Variants in RUSC2 observed in about 807,000 individuals in gnomAD.
RUSC2 encodes RUN and SH3 domain containing 2.
Under a neutral mutation model 122.2 loss-of-function variants are expected in RUSC2, and 34 were observed. The ratio of observed to expected loss-of-function variants is 0.28; its 90% CI spans 0.21 to 0.37. The LOEUF is 0.37. Among genes scored for constraint, RUSC2 ranks in the 10% least tolerant of loss-of-function variants. The probability of loss-of-function intolerance (pLI) is 1.00; values close to 1 mark genes in which losing one functional copy is unlikely to be tolerated. For synonymous variants in RUSC2, 784 were observed against 790.0 expected, an observed-to-expected ratio of 0.99 and a Z score of 0.13; for missense variants, 1,747 against 1,952.4, an observed-to-expected ratio of 0.89 and a Z score of 1.98.
intron 1 of RUSC2, among the ~76,000 whole-genome samples, chr9:35,522,208 G>A (rs1821229535): frequency 1.3e-5 from 2 of 152,180 alleles, no homozygotes; most frequent in South Asian, 4.1e-4. Flanking sequence ...GTTTGCTATT[G>A]GTGAAGTTAA....
chr9:35,555,004 T>G lies in RUSC2; in HGVS notation c.2015-56T>G. The G allele has an allele frequency of 6.3e-7, 1 of 1,592,792 alleles. No individual in the cohort carries two copies. The highest frequency in any genetic ancestry group is 8.5e-7 in the Non-Finnish European group (1 of 1,173,750). On this transcript the variant is annotated intron_variant, in intron 2 of 11. Coordinates refer to ENST00000361226, the MANE Select transcript of RUSC2 (RefSeq NM_014806.5). The surrounding 1 kb of genome is among the most constrained non-coding windows in gnomAD (Gnocchi z 4.6). The stretch of plus-strand genomic sequence containing the variant: ...CTCCCATCTCTGCTTCTGGGTTTTC[T>G]CTCATATGGGTTTCAGTGTCTGTCT...
chr9:35,522,098 A>G (rs1213656766), intron 1 of RUSC2, among the ~76,000 whole-genome samples: 1 of 152,234 alleles, frequency 6.6e-6, no homozygotes, highest in East Asian at 1.9e-4. Flanking sequence ...TACTTGTCCT[A>G]TAGGAAACTC....
At chr9:35,524,915 A>G (rs7040744) in intron 1 of RUSC2, among the ~76,000 whole-genome samples, 4,025 of 151,858 alleles carry the variant, frequency 0.027, 136 homozygotes, top group African/African-American at 0.081. Flanking sequence ...AGCTTGCAGT[A>G]AGCCAAGATC....
At chr9:35,528,198 C>A (rs1821356568) in intron 1 of RUSC2, among the ~76,000 whole-genome samples, 1 of 152,080 alleles carries the variant, frequency 6.6e-6, no homozygotes, top group African/African-American at 2.4e-5. Context: ...TCAGCCTGGG[C>A]AACATAGCAA....
In RUSC2 at chr9:35,547,025, G is replaced by C. The variant is rs200605023; in HGVS notation, c.504G>C (p.Val168=). The change falls in exon 2 of 12, where the codon GTG becomes GTC. Residue 168 remains valine, a synonymous_variant. Transcript: ENST00000361226. The surrounding 1 kb of genome is among the most constrained non-coding windows in gnomAD (Gnocchi z 4.6). The part of the protein sequence containing the change: ...PWGTTRSRAG[V]VEGQEQEPVM... ...GGACAACACGCAGTCGGGCTGGAGT[G>C]GTGGAAGGGCAGGAACAGGAGCCAG... 3.7e-6 allele frequency: 6 copies of C among 1,608,678 alleles called. No individual in the cohort carries two copies. In the East Asian group the frequency reaches 1.3e-4, roughly 36 times the overall value.
chr9:35,490,639 C>G (rs10814241), intron 1 of RUSC2, among the ~76,000 whole-genome samples: 14,172 of 152,154 alleles, frequency 0.093, 769 homozygotes, highest in East Asian at 0.24. Flanking sequence ...AGTTCCCGGC[C>G]GGGTCCTCTG....
intron 1 of RUSC2, among the ~76,000 whole-genome samples, chr9:35,544,268 A>G (rs1441415038): frequency 6.9e-6 from 1 of 144,200 alleles, no homozygotes; most frequent in Non-Finnish European, 1.5e-5. Flanking sequence ...AGAAATGCCT[A>G]TTCATACTGT....
In RUSC2 at chr9:35,509,384, A is replaced by C. The variant is rs1028478931; in HGVS notation, c.-93+19212A>C. On this transcript the variant is annotated intron_variant, in intron 1 of 11. Transcript: ENST00000361226. Reference sequence around the variant, plus strand: ...GAATCTTGTCAGCCCATGAGTTTACATGGAAGACTTGCTTCTACTGTGTTC... The same window carrying C: ...GAATCTTGTCAGCCCATGAGTTTACCTGGAAGACTTGCTTCTACTGTGTTC... Among the ~76,000 whole-genome samples, 8 of 152,332 alleles carry C rather than the reference A, an allele frequency of 5.3e-5. No homozygotes were observed. In the South Asian group the frequency reaches 1.5e-3, roughly 28 times the overall value.
chr9:35,546,623 T>C lies in RUSC2; in HGVS notation c.102T>C (p.Gly34=). The C allele has an allele frequency of 6.4e-7, 1 of 1,557,710 alleles. No homozygotes were observed. Among genetic ancestry groups the C allele is most frequent in the Non-Finnish European group, 8.7e-7 (1 of 1,153,308 alleles). Residue 34 remains glycine, a synonymous_variant, in exon 2 of 12, where the codon GGT becomes GGC. Transcript: ENST00000361226. The surrounding 1 kb of genome is among the most constrained non-coding windows in gnomAD (Gnocchi z 4.3). Reference sequence around the variant, plus strand: ...ACAGGCAGTGCTGTGGAGGGGCAGGTGGAGGTGGTGGGAGCACAAGACCTA... The same window carrying C: ...ACAGGCAGTGCTGTGGAGGGGCAGGCGGAGGTGGTGGGAGCACAAGACCTA... ...VPDRQCCGGA[G]GGGGSTRPNP...
In RUSC2 at chr9:35,548,125, G is replaced by A; in HGVS notation, c.1604G>A (p.Gly535Asp). The change falls in exon 2 of 12, where the codon GGC becomes GAC. Residue 535 changes from glycine to aspartate, a missense_variant. Physicochemically the swap from Gly to Asp is moderately conservative, Grantham distance 94. Transcript: ENST00000361226. The surrounding 1 kb of genome is among the most constrained non-coding windows in gnomAD (Gnocchi z 4.5). ...GGCCCTGCAGCCATGGCCGGGCCTG[G>A]CTCCCCACCCAGGAGGGTCACCTCC... is the stretch of plus-strand genomic sequence containing the variant. ...SEGPAAMAGP[G>D]SPPRRVTSFA... is the part of the protein sequence containing the mutation. The A allele has an allele frequency of 6.2e-7, 1 of 1,613,230 alleles. No homozygotes were observed. The highest frequency in any genetic ancestry group is 8.5e-7 in the Non-Finnish European group (1 of 1,180,004).
intron 1 of RUSC2, among the ~76,000 whole-genome samples, chr9:35,523,141 C>G (rs1821247519): frequency 1.3e-5 from 2 of 152,240 alleles, no homozygotes; most frequent in African/African-American, 4.8e-5. Context: ...TTATTAACAA[C>G]ATCTAAACTG....
chr9:35,527,550 T>C (rs775154576), intron 1 of RUSC2, among the ~76,000 whole-genome samples: 2 of 152,234 alleles, frequency 1.3e-5, no homozygotes, highest in Non-Finnish European at 2.9e-5. Flanking sequence ...TAATAATTCA[T>C]TGCCACTCGC....
At chr9:35,526,103 A>G (rs565510636) in intron 1 of RUSC2, among the ~76,000 whole-genome samples, 167 of 152,236 alleles carry the variant, frequency 1.1e-3, no homozygotes, top group African/African-American at 3.7e-3. Context: ...GTTCAGATCT[A>G]TAGTAGGGGG....
At chr9:35,559,913 T>C (rs1002821864) in intron 9 of RUSC2, 116 bp from the exon 10 acceptor site, 6 of 828,396 alleles carry the variant, frequency 7.2e-6, no homozygotes, top group Non-Finnish European at 1.2e-5. Flanking sequence ...GCAAGTTGAC[T>C]AGTGCACAGC....
rs762064030 is a variant in RUSC2, at chr9:35,557,882, A to AG, written c.2984-29dup. ...AGCTGAGTTGGTTAAGGACTTGCTC[A>AG]GGGACCTGTCACATCACATTCTTCC... On this transcript the variant is annotated intron_variant, in intron 5 of 11. Coordinates refer to ENST00000361226, the MANE Select transcript of RUSC2 (RefSeq NM_014806.5). This position sits in a 1 kb window ranked among gnomAD's most constrained non-coding sequence, Gnocchi z 4.6. 4.4e-6 allele frequency: 7 copies of AG among 1,603,688 alleles called. No homozygotes were observed. Among genetic ancestry groups the AG allele is most frequent in the Non-Finnish European group, 5.1e-6 (6 of 1,170,534 alleles).
chr9:35,525,239 TAGAA>T (rs765176915), intron 1 of RUSC2, among the ~76,000 whole-genome samples: 28 of 152,274 alleles, frequency 1.8e-4, no homozygotes, highest in South Asian at 4.1e-4. Flanking sequence ...TATCCTGAAA[TAGAA>T]GGAAGAAGTC....
chr9:35,499,878 G>T (rs144666956), intron 1 of RUSC2, among the ~76,000 whole-genome samples: 1 of 152,182 alleles, frequency 6.6e-6, no homozygotes, highest in Non-Finnish European at 1.5e-5. Context: ...CTGCAGGGGA[G>T]AAAGTTGGGA....
intron 1 of RUSC2, among the ~76,000 whole-genome samples, chr9:35,490,774 C>T (rs1160981715): frequency 1.3e-5 from 2 of 152,184 alleles, no homozygotes; most frequent in Admixed American, 1.3e-4. Context: ...AGTAACCGTC[C>T]CCTACTACTG....
chr9:35,499,297 AAAAC>A (rs1471783584), intron 1 of RUSC2, among the ~76,000 whole-genome samples: 2 of 151,994 alleles, frequency 1.3e-5, no homozygotes, highest in Non-Finnish European at 2.9e-5. Context: ...ACAAAAACAA[AAAAC>A]AAAATAGTAG....
Sources: allele counts gnomAD v4.1 joint callset (sites outside exome capture counted in the v4.1 genomes callset), GRCh38; gene constraint gnomAD v4.1.1; non-coding constraint Gnocchi (gnomAD v3.1); transcripts MANE v1.5; gene names NCBI Gene and HGNC (gene_info 2026-07-23, HGNC 2026-07-21).